The following TNFSF10 variants were observed in gnomAD, a reference collection of about 807,000 sequenced individuals.
TNFSF10 encodes TNF superfamily member 10, also known as tumor necrosis factor ligand superfamily member 10.
Under a neutral mutation model 29.5 loss-of-function variants are expected in TNFSF10, and 13 were observed. The observed-to-expected ratio is 0.44, with a 90% CI of 0.29 to 0.70. The LOEUF is 0.70. TNFSF10 is among the 30% of genes least tolerant of loss of function. The pLI, the probability that TNFSF10 is intolerant of heterozygous loss-of-function variation, is 0.13. For synonymous variants in TNFSF10, 111 were observed against 112.8 expected (o/e 0.98, Z 0.10); for missense variants, 345 against 330.9 (o/e 1.04, Z -0.33).
intron 1 of TNFSF10, chr3:172,518,018 C>T (rs1028542531): frequency 1.2e-5 from 12 of 987,456 alleles, no homozygotes; most frequent in Admixed American, 1.2e-4. Context: ...AGACACATGG[C>T]GGGTTGACGT....
chr3:172,514,548 C>A (rs1016598024), intron 2 of TNFSF10, among the ~76,000 whole-genome samples: 1 of 152,214 alleles, frequency 6.6e-6, no homozygotes, highest in East Asian at 1.9e-4. Flanking sequence ...GACTTTGTGA[C>A]CTTCTCTTCA....
At chr3:172,508,026 A>G (rs1415560587) in intron 4 of TNFSF10, among the ~76,000 whole-genome samples, 2 of 152,162 alleles carry the variant, frequency 1.3e-5, no homozygotes, top group Non-Finnish European at 2.9e-5. Flanking sequence ...TGTGATTCCA[A>G]CCTAGATATT....
intron 1 of TNFSF10, chr3:172,522,167 C>A (rs1425604820): frequency 8.6e-6 from 3 of 350,476 alleles, no homozygotes; most frequent in Non-Finnish European, 1.6e-5. Context: ...ATGTAACAAA[C>A]CTGCACGTTC....
chr3:172,523,352 G>A lies in TNFSF10; in HGVS notation c.33C>T (p.Ser11=). 1 of 1,614,038 alleles carries A rather than the reference G, an allele frequency of 6.2e-7. No homozygotes were observed. Among genetic ancestry groups the A allele is most frequent in the Non-Finnish European group, 8.5e-7 (1 of 1,179,884 alleles). Residue 11 remains serine, a synonymous_variant, in exon 1 of 5, where the codon AGC becomes AGT. Transcript: ENST00000241261. ...CGATCAGCACGCAGGTCTGTCCCAG[G>A]CTGGGTCCCCCCTGGACCTCCATCA... The part of the protein sequence containing the change: MAMMEVQGGP[S]LGQTCVLIVI...
rs78037678 is a variant in TNFSF10, at chr3:172,521,725, C to T, written c.132+1528G>A. Among the ~76,000 whole-genome samples the T allele has an allele frequency of 3.1e-4, 47 of 152,314 alleles. 1 individual carries two copies. In the East Asian group the frequency reaches 8.5e-3, roughly 27 times the overall value. On this transcript the variant is annotated intron_variant, in intron 1 of 4. Coordinates refer to ENST00000241261, the MANE Select transcript of TNFSF10 (RefSeq NM_003810.4). ...ACCCAAAGGATTATAAATCATTCTA[C>T]TATAAAGACACATGCACACATATGT... is the stretch of plus-strand genomic sequence containing the variant.
At chr3:172,517,328 A>G in intron 1 of TNFSF10, 1 of 985,236 alleles carries the variant, frequency 1.0e-6, no homozygotes, top group Non-Finnish European at 1.2e-6. Flanking sequence ...AGTATTTTCC[A>G]GAAATACTTT....
chr3:172,511,564 C>T lies in TNFSF10; in HGVS notation c.313+53G>A, dbSNP rs1286612003. 2.1e-6 allele frequency: 3 copies of T among 1,420,324 alleles called. No individual in the cohort carries two copies. In the African/African-American group the frequency reaches 4.3e-5, roughly 20 times the overall value. The allele number at this position is 1,420,324 out of a possible 1,614,324, so 88.0% of individuals were successfully genotyped here. A position where few individuals can be genotyped will look rare whatever the true frequency, so the allele number is the denominator to read the frequency against. ...AAGGAGAATGGAGAACTATTCACAA[C>T]CTGTCATGAAGATGACAGTAAAAAA... On this transcript the variant is annotated intron_variant, in intron 3 of 4. Coordinates refer to ENST00000241261, the MANE Select transcript of TNFSF10 (RefSeq NM_003810.4).
chr3:172,521,001 T>G (rs1713668031), intron 1 of TNFSF10, among the ~76,000 whole-genome samples: 1 of 152,220 alleles, frequency 6.6e-6, no homozygotes, highest in Non-Finnish European at 1.5e-5. Context: ...GCTAGCCATA[T>G]GCAGAAAACA....
At chr3:172,507,865 T>A (rs1713052642) in intron 4 of TNFSF10, among the ~76,000 whole-genome samples, 1 of 152,110 alleles carries the variant, frequency 6.6e-6, no homozygotes, top group Non-Finnish European at 1.5e-5. Flanking sequence ...CTGACAAAAA[T>A]AAAGGTGAGT....
chr3:172,516,031 G>A (rs1405207379), intron 1 of TNFSF10, among the ~76,000 whole-genome samples: 2 of 152,140 alleles, frequency 1.3e-5, no homozygotes, highest in Non-Finnish European at 2.9e-5. Context: ...GGGAGGCCGA[G>A]GCGGGTGAAT....
At chr3:172,520,094 G>A (rs1430639995) in intron 1 of TNFSF10, among the ~76,000 whole-genome samples, 11 of 152,180 alleles carry the variant, frequency 7.2e-5, no homozygotes, top group Admixed American at 5.9e-4. Context: ...GACGTTCCTT[G>A]CAGCTCATAA....
At chr3:172,510,293 AAAAAATAG>A (rs1713170161) in intron 3 of TNFSF10, among the ~76,000 whole-genome samples, 1 of 152,144 alleles carries the variant, frequency 6.6e-6, no homozygotes, top group African/African-American at 2.4e-5. Flanking sequence ...TTGTCTCTAT[AAAAAATAG>A]AAAAATCAGC....
At chr3:172,514,082 G>A (rs946140246) in intron 2 of TNFSF10, among the ~76,000 whole-genome samples, 5 of 151,956 alleles carry the variant, frequency 3.3e-5, no homozygotes, top group African/African-American at 9.7e-5. Flanking sequence ...CAGGTGATCC[G>A]CCTGCCTCAG....
chr3:172,522,395 T>C (rs772561989), intron 1 of TNFSF10: 68 of 1,517,910 alleles, frequency 4.5e-5, no homozygotes, highest in Admixed American at 5.1e-5. Flanking sequence ...CTGTTGCTAC[T>C]GCTGTGGAAC....
intron 3 of TNFSF10, 49 bp from the exon 4 acceptor site, chr3:172,509,370 C>T (rs772688357): frequency 1.6e-5 from 24 of 1,470,130 alleles, no homozygotes; most frequent in Non-Finnish European, 2.2e-5. Flanking sequence ...AACTAGTTCT[C>T]CAATACCTTG....
intron 2 of TNFSF10, among the ~76,000 whole-genome samples, chr3:172,512,830 T>C (rs1432578434): frequency 6.6e-6 from 1 of 152,258 alleles, no homozygotes; most frequent in Admixed American, 6.5e-5. Flanking sequence ...CATGGCCAGA[T>C]GCCCTGCATT....
At chr3:172,520,028 A>G (rs2108450469) in intron 1 of TNFSF10, among the ~76,000 whole-genome samples, 1 of 152,298 alleles carries the variant, frequency 6.6e-6, no homozygotes, top group Admixed American at 6.5e-5. Flanking sequence ...ACTTGAGTAC[A>G]TTATTTCTTG....
At position 172,506,882 on chromosome 3, in the gene TNFSF10, G is replaced by C. The variant is rs572117015; in HGVS notation, c.456C>G (p.Asn152Lys). 8.7e-6 allele frequency: 14 copies of C among 1,613,388 alleles called. No individual in the cohort carries two copies. In the Admixed American group the frequency reaches 1.7e-4, roughly 19 times the overall value. The change falls in exon 5 of 5, where the codon AAC becomes AAG. Residue 152 changes from asparagine to lysine, a missense_variant. Physicochemically the swap from Asn to Lys is moderately conservative, Grantham distance 94. Coordinates refer to ENST00000241261, the MANE Select transcript of TNFSF10 (RefSeq NM_003810.4). Reference protein sequence around the residue: ...KNEKALGRKINSWESSRSGHS... With the variant: ...KNEKALGRKIKSWESSRSGHS... ...GCCCACTCCTTGATGATTCCCAGGAGTTTATTTTGCGGCCCAGAGCCTTTT... is the reference window on the plus strand; with the variant it reads ...GCCCACTCCTTGATGATTCCCAGGACTTTATTTTGCGGCCCAGAGCCTTTT...
At chr3:172,518,050 G>A (rs1713512866) in intron 1 of TNFSF10, 1 of 995,812 alleles carries the variant, frequency 1.0e-6, no homozygotes, top group East Asian at 1.1e-4. Flanking sequence ...GTTATTCCAA[G>A]AATGATAATT....
Sources: gnomAD v4.1 joint callset for allele counts (sites outside exome capture counted in the v4.1 genomes callset) on GRCh38, gnomAD v4.1.1 for gene constraint, MANE v1.5 for transcripts, NCBI Gene and HGNC (gene_info 2026-07-23, HGNC 2026-07-21) for gene names.